The following CCDC13 variants were observed in gnomAD, a reference collection of about 807,000 sequenced individuals.
CCDC13 encodes the protein coiled-coil domain containing 13.
CCDC13 carries 70 observed loss-of-function variants against 87.3 expected under a neutral mutation model. That is an observed-to-expected ratio of 0.80 (90% CI 0.66 to 0.98). The LOEUF (loss-of-function observed/expected upper bound fraction) is 0.98, where lower values mean the gene tolerates loss of function less well. CCDC13 is among the 50% of genes least tolerant of loss of function. The pLI is 0.00. For synonymous variants in CCDC13, 317 were observed against 360.3 expected (o/e 0.88, Z 1.36); for missense variants, 842 against 892.0 (o/e 0.94, Z 0.71).
At chr3:42,718,655 A>G (rs1251977046) in intron 13 of CCDC13, among the ~76,000 whole-genome samples, 4 of 151,760 alleles carry the variant, frequency 2.6e-5, no homozygotes, top group East Asian at 1.9e-4. Context: ...TTAACTTTGC[A>G]TAAGTGTTGG....
chr3:42,738,153 C>G (rs1206910584), intron 9 of CCDC13, among the ~76,000 whole-genome samples: 1 of 148,460 alleles, frequency 6.7e-6, no homozygotes, highest in Non-Finnish European at 1.5e-5. Context: ...CCCAGCACCA[C>G]TTATTAAATA....
intron 1 of CCDC13, among the ~76,000 whole-genome samples, chr3:42,762,099 A>T (rs1052764927): frequency 1.3e-5 from 2 of 152,212 alleles, no homozygotes; most frequent in Non-Finnish European, 2.9e-5. Context: ...AGAGAATCTG[A>T]TTTAAATTAG....
chr3:42,769,171 A>G (rs1373621227), intron 1 of CCDC13, among the ~76,000 whole-genome samples: 2 of 152,200 alleles, frequency 1.3e-5, no homozygotes, highest in African/African-American at 4.8e-5. Flanking sequence ...TGGGCAAAAG[A>G]TCTGAACAAA....
chr3:42,711,205 C>G lies in CCDC13; in HGVS notation c.1874-1407G>C, dbSNP rs565290479. On this transcript the variant is annotated intron_variant, in intron 14 of 15. Coordinates refer to ENST00000310232, the MANE Select transcript of CCDC13 (RefSeq NM_144719.4). ...AGGTTGCAGTGAGCTGAGATCGCAC[C>G]GCTGCATTCCAGCCTGAGGGACAGA... Among the ~76,000 whole-genome samples the G allele has an allele frequency of 1.0e-4, 15 of 144,136 alleles. No homozygotes were observed. The South Asian group carries it at 3.3e-3, about 32-fold the overall frequency. 94.6% of individuals were successfully genotyped at this position (144,136 alleles called of 152,430 possible).
At chr3:42,772,039 A>C (rs1488908394) in intron 1 of CCDC13, among the ~76,000 whole-genome samples, 3 of 151,978 alleles carry the variant, frequency 2.0e-5, no homozygotes, top group African/African-American at 4.8e-5. Context: ...TGGGAGGCTG[A>C]GGTGGGTGGA....
In CCDC13 at chr3:42,708,924, T is replaced by C; in HGVS notation, c.*56A>G. 2 of 1,552,288 alleles carry C rather than the reference T, an allele frequency of 1.3e-6. No homozygotes were observed. The highest frequency in any genetic ancestry group is 2.5e-5 in the South Asian group (2 of 80,524). On this transcript the variant is annotated 3_prime_UTR_variant, in exon 16 of 16. Coordinates refer to ENST00000310232, the MANE Select transcript of CCDC13 (RefSeq NM_144719.4). ...CAGATGGAGTCCTCAGACAGAGTCT[T>C]ATCCTCTCAAGACCTGAGGCTGCCC...
At chr3:42,746,317 G>C (rs1575315915) in intron 6 of CCDC13, 1 of 357,976 alleles carries the variant, frequency 2.8e-6, no homozygotes, top group East Asian at 5.4e-5. Context: ...TGGGATGACT[G>C]AACCACAAAG....
At chr3:42,746,064 GA>G in intron 6 of CCDC13, 37 bp from the exon 7 acceptor site, 1 of 1,499,402 alleles carries the variant, frequency 6.7e-7, no homozygotes, top group Non-Finnish European at 9.3e-7. Flanking sequence ...GGCCAAAAGA[GA>G]GGGCTCCACC....
In CCDC13 at chr3:42,714,368, A is replaced by G. The variant is rs536506333; in HGVS notation, c.1719-1052T>C. The stretch of plus-strand genomic sequence containing the variant: ...ACACCAAAAGCCTGTCTACGTTAGG[A>G]CAATTAGTTAGAGCCATGACGCACA... On this transcript the variant is annotated intron_variant, in intron 13 of 15. Coordinates refer to ENST00000310232, the MANE Select transcript of CCDC13 (RefSeq NM_144719.4). 7.2e-5 allele frequency among the ~76,000 whole-genome samples: 11 copies of G among 152,362 alleles called. No homozygotes were observed. In the South Asian group the frequency reaches 2.3e-3, roughly 32 times the overall value.
chr3:42,724,461 A>G (rs1370160280), intron 13 of CCDC13, among the ~76,000 whole-genome samples: 2 of 152,156 alleles, frequency 1.3e-5, no homozygotes, highest in Admixed American at 6.5e-5. Flanking sequence ...CCTGGGATCT[A>G]CAGATGTCCG....
chr3:42,742,216 C>A (rs189938523), intron 8 of CCDC13, among the ~76,000 whole-genome samples: 1 of 152,186 alleles, frequency 6.6e-6, no homozygotes, highest in Non-Finnish European at 1.5e-5. Flanking sequence ...GGTCACATAA[C>A]CCAGGCTAGA....
At chr3:42,751,873 A>C in intron 5 of CCDC13, 63 bp downstream of exon 5, 1 of 1,450,024 alleles carries the variant, frequency 6.9e-7, no homozygotes, top group Non-Finnish European at 9.6e-7. Flanking sequence ...ACACCTGTGG[A>C]GGAGGGGAGG....
Position 42,758,062 on chromosome 3 carries a change from T to TACACACACAC in CCDC13, c.221+53_221+62dup, listed in dbSNP as rs3076826. 5,072 of 996,778 alleles carry TACACACACAC rather than the reference T, an allele frequency of 5.1e-3. 27 individuals carry two copies. Among genetic ancestry groups the TACACACACAC allele is most frequent in the African/African-American group, 0.027 (1,727 of 62,802 alleles). The allele number at this position is 996,778 out of a possible 1,614,324, so 61.7% of individuals were successfully genotyped here. On this transcript the variant is annotated intron_variant, in intron 2 of 15. Coordinates refer to ENST00000310232, the MANE Select transcript of CCDC13 (RefSeq NM_144719.4). ...ACAAGTTTTGCTATAGCTCCGGTGG[T>TACACACACAC]ACACACACACACACACACACACACA... is the stretch of plus-strand genomic sequence containing the variant.
At chr3:42,747,476 T>C in intron 5 of CCDC13, 103 bp from the exon 6 acceptor site, 2 of 814,972 alleles carry the variant, frequency 2.5e-6, no homozygotes, top group Non-Finnish European at 4.1e-6. Flanking sequence ...CTGTGCTAAG[T>C]GTTTGACATG....
At chr3:42,732,859 TGA>T in intron 12 of CCDC13, 26 bp downstream of exon 12, 4 of 1,538,334 alleles carry the variant, frequency 2.6e-6, no homozygotes, top group Non-Finnish European at 3.5e-6. Flanking sequence ...GAAAAAACTG[TGA>T]GAGTCCGGGG....
chr3:42,752,606 A>C lies in CCDC13; in HGVS notation c.482T>G (p.Leu161Arg). The C allele has an allele frequency of 6.2e-7, 1 of 1,614,238 alleles. No homozygotes were observed. Among genetic ancestry groups the C allele is most frequent in the Non-Finnish European group, 8.5e-7 (1 of 1,180,044 alleles). Residue 161 changes from leucine to arginine, a missense_variant, in exon 4 of 16, where the codon CTG becomes CGG. Coordinates refer to ENST00000310232, the MANE Select transcript of CCDC13 (RefSeq NM_144719.4). The stretch of plus-strand genomic sequence containing the variant: ...CTCCAGCTCCTGGATGCGATTGGTC[A>C]GCTGCTTCACCCTGGTTTTTGCACC... ...SEGAKTRVKQ[L>R]TNRIQELERE... is the part of the protein sequence containing the mutation.
chr3:42,765,548 G>T (rs1008186937), intron 1 of CCDC13, among the ~76,000 whole-genome samples: 5 of 152,320 alleles, frequency 3.3e-5, no homozygotes, highest in South Asian at 2.1e-4. Context: ...TGGGACTACA[G>T]GCATGCACCA....
intron 7 of CCDC13, 140 bp downstream of exon 7, chr3:42,745,783 A>AC (rs2125899024): frequency 1.8e-6 from 1 of 570,590 alleles, no homozygotes; most frequent in East Asian, 2.8e-5. Context: ...TAAAACAACA[A>AC]CCCCGCACGA....
At chr3:42,739,976 C>A (rs1286563225) in intron 8 of CCDC13, among the ~76,000 whole-genome samples, 166 bp from the exon 9 acceptor site, 1 of 152,114 alleles carries the variant, frequency 6.6e-6, no homozygotes, top group African/African-American at 2.4e-5. Flanking sequence ...CCAGCCCAGG[C>A]CTCTCAGGGA....
Sources: gnomAD v4.1 joint callset for allele counts (sites outside exome capture counted in the v4.1 genomes callset) on GRCh38, gnomAD v4.1.1 for gene constraint, MANE v1.5 for transcripts, NCBI Gene and HGNC (gene_info 2026-07-23, HGNC 2026-07-21) for gene names.